GRID2: variants seen among roughly 807,000 people sequenced by gnomAD.
GRID2 encodes glutamate receptor ionotropic, delta-2.
A neutral mutation model predicts 114.8 loss-of-function variants in GRID2; 33 were observed. The observed-to-expected ratio is 0.29, with a 90% CI of 0.22 to 0.38. The LOEUF (loss-of-function observed/expected upper bound fraction) is 0.38. Among genes scored for constraint, GRID2 ranks in the 10% least tolerant of loss-of-function variants. The probability of loss-of-function intolerance (pLI) is 1.00; values close to 1 mark genes in which losing one functional copy is unlikely to be tolerated. For synonymous variants in GRID2, 505 were observed against 449.9 expected, an observed-to-expected ratio of 1.12 and a Z score of -1.55; for missense variants, 1,184 against 1,257.7, an observed-to-expected ratio of 0.94 and a Z score of 0.89.
At chr4:93,689,090 G>A (rs1012769606) in intron 14 of GRID2, among the ~76,000 whole-genome samples, 3 of 151,992 alleles carry the variant, frequency 2.0e-5, no homozygotes, top group African/African-American at 7.2e-5. Flanking sequence ...CACACGCAGA[G>A]AGAAGACGAC....
At chr4:92,766,391 G>A in intron 2 of GRID2, among the ~76,000 whole-genome samples, 1 of 152,020 alleles carries the variant, frequency 6.6e-6, no homozygotes, top group Middle Eastern at 3.2e-3. Flanking sequence ...ACAACAATTA[G>A]CCAGGCATGG....
At chr4:93,007,868 C>G (rs1436167708) in intron 2 of GRID2, among the ~76,000 whole-genome samples, 1 of 151,622 alleles carries the variant, frequency 6.6e-6, no homozygotes, top group Non-Finnish European at 1.5e-5. Context: ...TGGTGAAACC[C>G]CATCTCTACT....
At chr4:93,741,160 T>G (rs1731329323) in intron 14 of GRID2, among the ~76,000 whole-genome samples, 1 of 43,102 alleles carries the variant, frequency 2.3e-5, no homozygotes. Flanking sequence ...CCTGAGAAAC[T>G]ATATATATAT....
chr4:93,148,763 G>A (rs1041198497), intron 4 of GRID2, among the ~76,000 whole-genome samples: 1 of 152,094 alleles, frequency 6.6e-6, no homozygotes, highest in Non-Finnish European at 1.5e-5. Flanking sequence ...TGAGGACAGG[G>A]ATTTTGTCTG....
intron 14 of GRID2, among the ~76,000 whole-genome samples, chr4:93,742,954 T>G (rs1731543591): frequency 6.6e-6 from 1 of 152,230 alleles, no homozygotes; most frequent in African/African-American, 2.4e-5. Flanking sequence ...GAAGGCATGT[T>G]GAAAGCTGAG....
intron 14 of GRID2, among the ~76,000 whole-genome samples, chr4:93,653,446 GA>G (rs758658533): frequency 5.9e-5 from 9 of 152,132 alleles, no homozygotes; most frequent in Non-Finnish European, 1.3e-4. Context: ...ACACTTCTAA[GA>G]AGAACATGGA....
chr4:93,490,855 G>T (rs1377908079), intron 12 of GRID2, 78 bp downstream of exon 12: 1 of 951,920 alleles, frequency 1.1e-6, no homozygotes, highest in East Asian at 2.5e-5. Context: ...GAATAAGTAT[G>T]TGGTGTCTCA....
At chr4:93,767,515 G>A (rs1578771588) in intron 14 of GRID2, among the ~76,000 whole-genome samples, 1 of 152,164 alleles carries the variant, frequency 6.6e-6, no homozygotes, top group Admixed American at 6.5e-5. Flanking sequence ...TCCAGGTTGT[G>A]GGGGAGGTTT....
At chr4:93,033,059 A>G (rs1724583416) in intron 2 of GRID2, among the ~76,000 whole-genome samples, 1 of 152,258 alleles carries the variant, frequency 6.6e-6, no homozygotes, top group African/African-American at 2.4e-5. Context: ...GTTATCTAAC[A>G]TTGAAATATT....
intron 2 of GRID2, among the ~76,000 whole-genome samples, chr4:92,790,003 A>G (rs1023558414): frequency 1.3e-5 from 2 of 151,790 alleles, no homozygotes; most frequent in African/African-American, 4.8e-5. Flanking sequence ...GGACTCCTCA[A>G]TTTCTGGTGG....
intron 1 of GRID2, among the ~76,000 whole-genome samples, chr4:92,387,076 C>T (rs562370239): frequency 5.9e-4 from 89 of 151,848 alleles, no homozygotes; most frequent in African/African-American, 2.0e-3. Context: ...ATTGATGGTC[C>T]GAAGCTGTTT....
chr4:92,336,043 G>A (rs1432810760), intron 1 of GRID2, among the ~76,000 whole-genome samples: 1 of 152,136 alleles, frequency 6.6e-6, no homozygotes, highest in Non-Finnish European at 1.5e-5. Flanking sequence ...ACATTATAAT[G>A]TATGGCCTTG....
At chr4:93,567,084 A>G (rs1466336192) in intron 13 of GRID2, among the ~76,000 whole-genome samples, 1 of 152,096 alleles carries the variant, frequency 6.6e-6, no homozygotes, top group Non-Finnish European at 1.5e-5. Context: ...TTGAATCAGG[A>G]TGTCTAGTTG....
intron 8 of GRID2, among the ~76,000 whole-genome samples, chr4:93,388,046 TCA>T (rs1484866537): frequency 3.3e-5 from 5 of 152,032 alleles, no homozygotes; most frequent in Non-Finnish European, 7.4e-5. Flanking sequence ...ATAAATATTA[TCA>T]TACAAAATAT....
intron 9 of GRID2, among the ~76,000 whole-genome samples, chr4:93,408,846 T>A (rs1205264632): frequency 6.6e-6 from 1 of 152,072 alleles, no homozygotes. Flanking sequence ...ATGCAGGAGA[T>A]CTTTTCTTTT....
intron 13 of GRID2, among the ~76,000 whole-genome samples, chr4:93,591,338 G>A (rs933959784): frequency 3.3e-5 from 5 of 151,676 alleles, no homozygotes; most frequent in Non-Finnish European, 7.4e-5. Flanking sequence ...CTTTGGCTCT[G>A]TTTATATGCT....
intron 12 of GRID2, among the ~76,000 whole-genome samples, chr4:93,496,937 T>G (rs6532410): frequency 0.84 from 126,795 of 151,760 alleles, 53,549 homozygotes; most frequent in African/African-American, 0.96. Flanking sequence ...TATATATTTG[T>G]TTTTTAAGAA....
At chr4:93,290,163 T>C (rs1243876466) in intron 8 of GRID2, among the ~76,000 whole-genome samples, 1 of 152,166 alleles carries the variant, frequency 6.6e-6, no homozygotes, top group Non-Finnish European at 1.5e-5. Context: ...TGACAATCTC[T>C]TTACAGTATG....
rs1751777767 is a variant in GRID2 at position 93,273,912 on chromosome 4, C to T, written c.1245+35422C>T. 2.0e-5 allele frequency among the ~76,000 whole-genome samples: 3 copies of T among 152,218 alleles called. No individual in the cohort carries two copies. The South Asian group carries it at 6.2e-4, about 32-fold the overall frequency. On this transcript the variant is annotated intron_variant, in intron 8 of 15. Transcript: ENST00000282020. ...CCCAAAGAATGTAGCTGTGCAGACA[C>T]CTTGATTTTAGCCTGGTGAGACACA...
Sources: gnomAD v4.1 joint callset for allele counts (sites outside exome capture counted in the v4.1 genomes callset) on GRCh38, gnomAD v4.1.1 for gene constraint, MANE v1.5 for transcripts, NCBI Gene and HGNC (gene_info 2026-07-23, HGNC 2026-07-21) for gene names.